The following GSTA4 variants were observed in gnomAD, a reference collection of about 807,000 sequenced individuals.
GSTA4 encodes glutathione S-transferase alpha 4, also known as glutathione S-transferase A4.
Under a neutral mutation model 24.4 loss-of-function variants are expected in GSTA4, and 15 were observed. The ratio of observed to expected loss-of-function variants is 0.61; its 90% confidence interval spans 0.41 to 0.95. The LOEUF is 0.95. GSTA4 is among the 40% of genes least tolerant of loss of function. The probability of loss-of-function intolerance (pLI) is 0.00; values close to 1 mark genes in which losing one functional copy is unlikely to be tolerated. For missense variants in GSTA4, 244 were observed against 262.1 expected (o/e 0.93, Z 0.48); for synonymous variants, 92 against 94.2 (o/e 0.98, Z 0.13).
intron 2 of GSTA4, 86 bp from the exon 3 acceptor site, chr6:52,987,494 C>T (rs1300276704): frequency 2.7e-6 from 2 of 730,420 alleles, no homozygotes; most frequent in Non-Finnish European, 4.7e-6. Flanking sequence ...TTTTCAGCAA[C>T]ACCAACAGAA....
intron 6 of GSTA4, among the ~76,000 whole-genome samples, chr6:52,979,775 C>T (rs1236713256): frequency 6.6e-6 from 1 of 152,118 alleles, no homozygotes; most frequent in Non-Finnish European, 1.5e-5. Flanking sequence ...GTAACAAAAA[C>T]CCTAATAATG....
At chr6:52,991,162 C>T (rs1007911046) in intron 2 of GSTA4, among the ~76,000 whole-genome samples, 7 of 152,196 alleles carry the variant, frequency 4.6e-5, no homozygotes, top group Admixed American at 2.0e-4. Flanking sequence ...GCATTTACCT[C>T]GCCTTTCCTA....
chr6:52,979,849 T>C (rs545678320), intron 6 of GSTA4, among the ~76,000 whole-genome samples: 1 of 152,372 alleles, frequency 6.6e-6, no homozygotes, highest in African/African-American at 2.4e-5. Context: ...AAGCTCTACT[T>C]GTATGATTTT....
At position 52,985,311 on chromosome 6, in the gene GSTA4, C is replaced by T. The variant is rs979710821; in HGVS notation, c.272+140G>A. On this transcript the variant is annotated intron_variant, in intron 4 of 6. Transcript: ENST00000370963. ...CTCTACTGAAGTTCCAACTGGTCTTCGTGACCTTCTTGGGTTTTTGTTCCC... is the reference window on the plus strand; with the variant it reads ...CTCTACTGAAGTTCCAACTGGTCTTTGTGACCTTCTTGGGTTTTTGTTCCC... 8.0e-5 allele frequency: 52 copies of T among 651,040 alleles called. No homozygotes were observed. The South Asian group carries it at 1.0e-3, about 13-fold the overall frequency. 40.3% of individuals were successfully genotyped at this position (651,040 alleles called of 1,614,324 possible). A position where few individuals can be genotyped will look rare whatever the true frequency, so the allele number is the denominator to read the frequency against.
intron 6 of GSTA4, among the ~76,000 whole-genome samples, chr6:52,979,474 C>T (rs878972791): frequency 6.6e-6 from 1 of 152,210 alleles, no homozygotes; most frequent in Admixed American, 6.5e-5. Context: ...TTTATATAAA[C>T]TGGAATGGAA....
chr6:52,983,626 C>A (rs1763495822), intron 5 of GSTA4, among the ~76,000 whole-genome samples: 1 of 152,210 alleles, frequency 6.6e-6, no homozygotes, highest in Non-Finnish European at 1.5e-5. Flanking sequence ...ACGGTTCTCA[C>A]CTCATAGGCG....
In GSTA4 at chr6:52,994,190, G is replaced by T. The variant is rs1763718086; in HGVS notation, c.54C>A (p.Ser18=). 6.2e-7 allele frequency: 1 copy of T among 1,613,328 alleles called. No homozygotes were observed. The highest frequency in any genetic ancestry group is 1.7e-5 in the Admixed American group (1 of 60,006). The part of the protein sequence containing the change: ...HYPNGRGRME[S]VRWVLAAAGV... ...CGGCGGCAGCTAAAACCCATCTCAC[G>T]GACTCCATCCGGCCTCTTCCGTTGG... is the stretch of plus-strand genomic sequence containing the variant. The change falls in exon 2 of 7, where the codon TCC becomes TCA. Residue 18 remains serine (S), a synonymous_variant. Transcript: ENST00000370963.
At chr6:52,994,131 C>T (rs754386283) in intron 2 of GSTA4, 26 bp downstream of exon 2, 1 of 1,452,626 alleles carries the variant, frequency 6.9e-7, no homozygotes, top group East Asian at 2.3e-5. Context: ...TATGACAAAT[C>T]CGTGAAGAAA....
chr6:52,987,050 G>T (rs1763575189), intron 3 of GSTA4, among the ~76,000 whole-genome samples: 2 of 152,026 alleles, frequency 1.3e-5, no homozygotes, highest in African/African-American at 4.8e-5. Flanking sequence ...AAGGAGGGAA[G>T]GGGCAAGGGA....
chr6:52,993,383 G>C (rs1763701920), intron 2 of GSTA4, among the ~76,000 whole-genome samples: 1 of 152,180 alleles, frequency 6.6e-6, no homozygotes, highest in Non-Finnish European at 1.5e-5. Flanking sequence ...CCAATGTCTA[G>C]ATCCAAACTA....
At chr6:52,986,969 G>A (rs1204272219) in intron 3 of GSTA4, among the ~76,000 whole-genome samples, 1 of 152,206 alleles carries the variant, frequency 6.6e-6, no homozygotes, top group Middle Eastern at 3.4e-3. Flanking sequence ...ATGTAAATGG[G>A]GATATTTATT....
chr6:52,980,308 T>TTTG (rs957236074), intron 6 of GSTA4, among the ~76,000 whole-genome samples: 1 of 80,780 alleles, frequency 1.2e-5, no homozygotes, highest in East Asian at 8.3e-4. Context: ...AAGATTTCAC[T>TTTG]TTGTTTTTTT....
intron 1 of GSTA4, among the ~76,000 whole-genome samples, chr6:52,994,604 C>T (rs954302268): frequency 2.0e-5 from 3 of 152,108 alleles, no homozygotes; most frequent in Non-Finnish European, 4.4e-5. Flanking sequence ...CCAAATTCAG[C>T]TGGGGGATAG....
chr6:52,987,577 G>C, intron 2 of GSTA4, 169 bp from the exon 3 acceptor site: 2 of 517,160 alleles, frequency 3.9e-6, no homozygotes, highest in Non-Finnish European at 6.8e-6. Context: ...ATTCATATGT[G>C]GGAGCTAAAA....
chr6:52,982,477 C>T, intron 6 of GSTA4, 97 bp downstream of exon 6: 3 of 627,962 alleles, frequency 4.8e-6, no homozygotes, highest in South Asian at 2.4e-5. Context: ...ATTACACATA[C>T]ACACACACAC....
chr6:52,988,777 G>T (rs1763610090), intron 2 of GSTA4, among the ~76,000 whole-genome samples: 1 of 152,124 alleles, frequency 6.6e-6, no homozygotes, highest in South Asian at 2.1e-4. Flanking sequence ...TTTGAATATG[G>T]ATTGCATATT....
chr6:52,994,253 T>C lies in GSTA4; in HGVS notation c.-10A>G. On this transcript the variant is annotated 5_prime_UTR_variant, in exon 2 of 7. Coordinates refer to ENST00000370963, the MANE Select transcript of GSTA4 (RefSeq NM_001512.4). ...TGGGCCTTGCTGCCATGATAGCTTT[T>C]CAGGCTTTCTGAAATACAAATGCAG... The C allele has an allele frequency of 6.3e-7, 1 of 1,587,300 alleles. No homozygotes were observed. The highest frequency in any genetic ancestry group is 8.7e-7 in the Non-Finnish European group (1 of 1,155,966).
intron 6 of GSTA4, 33 bp from the exon 7 acceptor site, chr6:52,978,625 C>CA: frequency 6.4e-7 from 1 of 1,553,688 alleles, no homozygotes; most frequent in Non-Finnish European, 8.8e-7. Context: ...TTAAGGCTAA[C>CA]AAAAAAGGTA....
At chr6:52,994,446 C>T (rs1763727472) in intron 1 of GSTA4, 185 bp from the exon 2 acceptor site, 2 of 546,230 alleles carry the variant, frequency 3.7e-6, no homozygotes, top group Admixed American at 3.2e-5. Context: ...AGAAAAAAAC[C>T]TTGGCTTTTA....
Sources: allele counts gnomAD v4.1 joint callset (sites outside exome capture counted in the v4.1 genomes callset), GRCh38; gene constraint gnomAD v4.1.1; transcripts MANE v1.5; gene names NCBI Gene and HGNC (gene_info 2026-07-23, HGNC 2026-07-21).